EXOC2: variants seen among roughly 807,000 people sequenced by gnomAD.
The protein encoded by EXOC2 is exocyst complex component 2, also known as SEC5-like 1.
In EXOC2, 70 loss-of-function variants were observed where a neutral mutation model predicts 131.8. The observed-to-expected ratio is 0.53, with a 90% CI of 0.44 to 0.65. EXOC2 has a LOEUF of 0.65. Ranked by LOEUF, EXOC2 falls within the 30% of genes least tolerant of loss-of-function variation. The pLI, the probability that EXOC2 is intolerant of heterozygous loss-of-function variation, is 0.00. For missense variants in EXOC2, 923 were observed against 1,108.6 expected (o/e 0.83, Z 2.38); for synonymous variants, 411 against 398.4 (o/e 1.03, Z -0.38).
intron 1 of EXOC2, among the ~76,000 whole-genome samples, chr6:682,703 G>A (rs1394704261): frequency 6.6e-6 from 1 of 152,108 alleles, no homozygotes; most frequent in African/African-American, 2.4e-5. Context: ...TTATATGAAA[G>A]TTCAGAATAA....
At position 623,999 on chromosome 6, in the gene EXOC2, T is replaced by A. The variant is rs199527375; in HGVS notation, c.423-4456A>T. Among the ~76,000 whole-genome samples the A allele has an allele frequency of 2.0e-5, 3 of 152,236 alleles. No homozygotes were observed. In the East Asian group the frequency reaches 5.8e-4, roughly 29 times the overall value. ...ACCAACCTTTGGAGTCTGCCATCAATGAATATTGTATATTATGAAAAAGTA... is the reference window on the plus strand; with the variant it reads ...ACCAACCTTTGGAGTCTGCCATCAAAGAATATTGTATATTATGAAAAAGTA... On this transcript the variant is annotated intron_variant, in intron 4 of 27. Coordinates refer to ENST00000230449, the MANE Select transcript of EXOC2 (RefSeq NM_018303.6).
chr6:541,807 A>C (rs1348382050), intron 22 of EXOC2, among the ~76,000 whole-genome samples: 1 of 152,220 alleles, frequency 6.6e-6, no homozygotes, highest in Admixed American at 6.5e-5. Context: ...ATCATCTCAC[A>C]AAGAAAATCT....
chr6:583,333 G>A (rs528543074), intron 11 of EXOC2, among the ~76,000 whole-genome samples: 18 of 152,272 alleles, frequency 1.2e-4, no homozygotes, highest in African/African-American at 3.4e-4. Context: ...GCTGCCAGAA[G>A]TCTTCTTCCA....
At chr6:577,334 C>A (rs1758638802) in intron 11 of EXOC2, among the ~76,000 whole-genome samples, 1 of 152,172 alleles carries the variant, frequency 6.6e-6, no homozygotes. Context: ...TTTCTTGATG[C>A]CAGTCATCTA....
In EXOC2 at chr6:619,546, G is replaced by C. The variant is rs763576880; in HGVS notation, c.423-3C>G. ...AGTCCTTCTGCGAAAATTTACTTCT[G>C]AGGGGAAAAAACGTTTAAAATATAT... On this transcript the variant is annotated splice_polypyrimidine_tract_variant and splice_region_variant and intron_variant, in intron 4 of 27. Coordinates refer to ENST00000230449, the MANE Select transcript of EXOC2 (RefSeq NM_018303.6). 3.1e-6 allele frequency: 5 copies of C among 1,605,002 alleles called. No individual in the cohort carries two copies. The highest frequency in any genetic ancestry group is 4.3e-6 in the Non-Finnish European group (5 of 1,172,694).
chr6:662,897 A>G (rs1447519700), intron 1 of EXOC2, among the ~76,000 whole-genome samples: 1 of 152,196 alleles, frequency 6.6e-6, no homozygotes, highest in Non-Finnish European at 1.5e-5. Context: ...AGGCTGAGGC[A>G]GGAGAACTGC....
chr6:548,280 C>T (rs575695029), intron 22 of EXOC2, among the ~76,000 whole-genome samples: 15 of 152,266 alleles, frequency 9.9e-5, no homozygotes, highest in African/African-American at 3.4e-4. Flanking sequence ...ATGTAGTTCA[C>T]GAACTGGAAC....
At chr6:677,443 T>C (rs560777256) in intron 1 of EXOC2, among the ~76,000 whole-genome samples, 5 of 152,354 alleles carry the variant, frequency 3.3e-5, no homozygotes, top group African/African-American at 1.2e-4. Context: ...ACAATACCAA[T>C]TACATTAGGA....
At chr6:580,179 C>G (rs2127605598) in intron 11 of EXOC2, among the ~76,000 whole-genome samples, 1 of 152,150 alleles carries the variant, frequency 6.6e-6, no homozygotes, top group Admixed American at 6.5e-5. Context: ...GTAGCTGAGA[C>G]TACAGGCATG....
chr6:573,669 CTTAATTTTATTAAGAAATTTTA>C lies in EXOC2; in HGVS notation c.1319-1047_1319-1026del, dbSNP rs1758415632. ...TTTATAAACTGTATTAATAAAATTT[CTTAATTTTATTAAGAAATTTTA>C]TTAATAAAATTGTATTAATAATTTA... is the stretch of plus-strand genomic sequence containing the variant. On this transcript the variant is annotated intron_variant, in intron 12 of 27. Transcript: ENST00000230449. 2.9e-5 allele frequency among the ~76,000 whole-genome samples: 4 copies of C among 139,546 alleles called. No individual in the cohort carries two copies. In the South Asian group the frequency reaches 9.2e-4, roughly 32 times the overall value. 91.5% of individuals were successfully genotyped at this position (139,546 alleles called of 152,430 possible).
At chr6:650,482 T>G (rs1244717696) in intron 1 of EXOC2, among the ~76,000 whole-genome samples, 2 of 152,218 alleles carry the variant, frequency 1.3e-5, no homozygotes, top group African/African-American at 4.8e-5. Context: ...ATTTTAAAAT[T>G]TCTGTATTGT....
intron 10 of EXOC2, among the ~76,000 whole-genome samples, chr6:596,961 C>T (rs559939610): frequency 9.9e-5 from 15 of 152,214 alleles, no homozygotes; most frequent in African/African-American, 2.4e-4. Flanking sequence ...TTTTATGTGC[C>T]GGGTGAGGTA....
intron 12 of EXOC2, among the ~76,000 whole-genome samples, chr6:573,178 A>G (rs1039191697): frequency 9.2e-5 from 14 of 152,346 alleles, no homozygotes; most frequent in South Asian, 4.1e-4. Context: ...CCCACCTAAA[A>G]TAAAGAAATT....
chr6:584,641 C>A (rs1282134406), intron 11 of EXOC2, among the ~76,000 whole-genome samples: 1 of 152,164 alleles, frequency 6.6e-6, no homozygotes, highest in East Asian at 1.9e-4. Flanking sequence ...ATGGAACATA[C>A]CATCTCTAAG....
intron 24 of EXOC2, among the ~76,000 whole-genome samples, chr6:499,126 G>C (rs1353615459): frequency 6.6e-6 from 1 of 152,042 alleles, no homozygotes; most frequent in Non-Finnish European, 1.5e-5. Context: ...CACCAATACT[G>C]TCTGCATGAC....
chr6:496,332 T>C (rs549632958), intron 25 of EXOC2, among the ~76,000 whole-genome samples: 2 of 152,360 alleles, frequency 1.3e-5, no homozygotes, highest in East Asian at 3.9e-4. Context: ...TTCTGTAATA[T>C]ATCTCTAAGG....
At chr6:563,943 C>T in intron 16 of EXOC2, 90 bp downstream of exon 16, 12 of 1,505,148 alleles carry the variant, frequency 8.0e-6, no homozygotes, top group Non-Finnish European at 1.1e-5. Flanking sequence ...GAGTAATTTT[C>T]CCTTGTTTTC....
At chr6:515,808 A>G (rs1396032206) in intron 23 of EXOC2, among the ~76,000 whole-genome samples, 2 of 152,154 alleles carry the variant, frequency 1.3e-5, no homozygotes, top group African/African-American at 2.4e-5. Flanking sequence ...ACAACAAAGG[A>G]GAGACGCACA....
chr6:651,547 G>A (rs896807501), intron 1 of EXOC2, among the ~76,000 whole-genome samples: 2 of 151,796 alleles, frequency 1.3e-5, no homozygotes, highest in Admixed American at 6.6e-5. Flanking sequence ...CCAGCTACTC[G>A]GGAAGCTGAG....
Sources: allele counts gnomAD v4.1 joint callset (sites outside exome capture counted in the v4.1 genomes callset), GRCh38; gene constraint gnomAD v4.1.1; transcripts MANE v1.5; gene names NCBI Gene and HGNC (gene_info 2026-07-23, HGNC 2026-07-21).